Variants in GRIN3A observed in about 807,000 individuals in gnomAD.
GRIN3A encodes glutamate ionotropic receptor NMDA type subunit 3A, also known as glutamate receptor ionotropic, NMDA 3A.
Under a neutral mutation model 92.4 loss-of-function variants are expected in GRIN3A, and 47 were observed. The ratio of observed to expected loss-of-function variants is 0.51; its 90% confidence interval spans 0.40 to 0.65. The LOEUF is 0.65. GRIN3A is among the 30% of genes least tolerant of loss of function. The pLI, the probability that GRIN3A is intolerant of heterozygous loss-of-function variation, is 0.00. For missense variants in GRIN3A, 1,324 were observed against 1,393.1 expected (o/e 0.95, Z 0.79); for synonymous variants, 527 against 540.6 (o/e 0.97, Z 0.35).
chr9:101,732,019 T>C (rs1314859046), intron 1 of GRIN3A, among the ~76,000 whole-genome samples: 3 of 152,230 alleles, frequency 2.0e-5, no homozygotes. Context: ...TCTATTCTTG[T>C]GTATATGTGG....
At chr9:101,581,916 T>G (rs1827892515) in intron 6 of GRIN3A, among the ~76,000 whole-genome samples, 1 of 152,180 alleles carries the variant, frequency 6.6e-6, no homozygotes, top group Non-Finnish European at 1.5e-5. Flanking sequence ...CAACTTGCCT[T>G]ATCTTTATGA....
At chr9:101,684,862 T>C (rs1829511376) in intron 2 of GRIN3A, among the ~76,000 whole-genome samples, 1 of 152,238 alleles carries the variant, frequency 6.6e-6, no homozygotes, top group African/African-American at 2.4e-5. Context: ...TGACTGTCCT[T>C]CCAAAACAAT....
intron 7 of GRIN3A, 150 bp downstream of exon 7, chr9:101,579,046 G>A (rs528725342): frequency 3.9e-6 from 3 of 770,442 alleles, no homozygotes; most frequent in African/African-American, 3.4e-5. Flanking sequence ...ATGGGATAGA[G>A]AGAATTCCTT....
At chr9:101,595,232 G>T (rs1588241122) in intron 6 of GRIN3A, among the ~76,000 whole-genome samples, 1 of 152,142 alleles carries the variant, frequency 6.6e-6, no homozygotes, top group East Asian at 1.9e-4. Context: ...AAGCTGGGCT[G>T]CCCCTTCTCT....
intron 6 of GRIN3A, among the ~76,000 whole-genome samples, chr9:101,603,621 A>G (rs1402808005): frequency 6.6e-6 from 1 of 152,186 alleles, no homozygotes; most frequent in Non-Finnish European, 1.5e-5. Context: ...TAGGGAAGCT[A>G]CAAGCCCGAG....
chr9:101,581,854 A>G (rs953321058), intron 6 of GRIN3A, among the ~76,000 whole-genome samples: 1 of 152,214 alleles, frequency 6.6e-6, no homozygotes, highest in African/African-American at 2.4e-5. Flanking sequence ...ATTTATAATT[A>G]TTTAGCATTG....
chr9:101,696,472 GA>G (rs1176500937), intron 1 of GRIN3A, among the ~76,000 whole-genome samples: 9 of 152,244 alleles, frequency 5.9e-5, no homozygotes, highest in African/African-American at 1.9e-4. Context: ...TGAATTTTAA[GA>G]ACTTTTGGAA....
At chr9:101,680,745 C>T (rs528199196) in intron 2 of GRIN3A, among the ~76,000 whole-genome samples, 9 of 152,302 alleles carry the variant, frequency 5.9e-5, no homozygotes, top group African/African-American at 1.9e-4. Context: ...ACCTTCTATT[C>T]CTTCTGTCTC....
chr9:101,709,798 T>G (rs1444338639), intron 1 of GRIN3A, among the ~76,000 whole-genome samples: 1 of 152,178 alleles, frequency 6.6e-6, no homozygotes, highest in African/African-American at 2.4e-5. Context: ...TTTTAAAAAT[T>G]ATTATACAAG....
chr9:101,573,545 C>A (rs376815555), intron 8 of GRIN3A, 32 bp from the exon 9 acceptor site: 1 of 1,538,254 alleles, frequency 6.5e-7, no homozygotes, highest in Non-Finnish European at 9.0e-7. Context: ...GATTTACTTT[C>A]CATTCTGCAG....
At position 101,670,602 on chromosome 9, in the gene GRIN3A, T is replaced by G; in HGVS notation, c.1810A>C (p.Lys604Gln). The stretch of plus-strand genomic sequence containing the variant: ...TGCCCATTTTTCCATGCTCCATACT[T>G]TCCATCCCCTACAATATAGAGGTCG... ...DFDLYIVGDG[K>Q]YGAWKNGHWT... Residue 604 changes from lysine (K) to glutamine (Q), a missense_variant, in exon 3 of 9, where the codon AAG (lysine) becomes CAG (glutamine). Physicochemically the swap from Lys to Gln is moderately conservative, Grantham distance 53 (BLOSUM62 1). Coordinates refer to ENST00000361820, the MANE Select transcript of GRIN3A (RefSeq NM_133445.3). 1 of 1,614,068 alleles carries G rather than the reference T, an allele frequency of 6.2e-7. No individual in the cohort carries two copies. Among genetic ancestry groups the G allele is most frequent in the South Asian group, 1.1e-5 (1 of 91,082 alleles).
chr9:101,675,884 T>C (rs1235606978), intron 2 of GRIN3A, among the ~76,000 whole-genome samples: 1 of 152,020 alleles, frequency 6.6e-6, no homozygotes, highest in Non-Finnish European at 1.5e-5. Context: ...ACATTAGTCA[T>C]GTGCTATTTT....
chr9:101,581,641 T>A (rs1037698522), intron 6 of GRIN3A, among the ~76,000 whole-genome samples: 3 of 152,198 alleles, frequency 2.0e-5, no homozygotes, highest in African/African-American at 7.2e-5. Flanking sequence ...TGCTTTGATC[T>A]TGAACTTCCA....
At chr9:101,629,795 AG>A (rs2118881150) in intron 3 of GRIN3A, among the ~76,000 whole-genome samples, 1 of 152,322 alleles carries the variant, frequency 6.6e-6, no homozygotes, top group Non-Finnish European at 1.5e-5. Flanking sequence ...ACTTCCTCTT[AG>A]GGATGAGTAA....
intron 6 of GRIN3A, among the ~76,000 whole-genome samples, chr9:101,599,887 A>G (rs1488020788): frequency 6.6e-6 from 1 of 152,194 alleles, no homozygotes; most frequent in African/African-American, 2.4e-5. Context: ...GCCGGTCACC[A>G]TATTTAATAT....
At chr9:101,595,096 A>G (rs1378617837) in intron 6 of GRIN3A, 1 of 633,670 alleles carries the variant, frequency 1.6e-6, no homozygotes, top group African/African-American at 1.9e-5. Context: ...CAGGTCAGAG[A>G]GGGAGCGGAG....
chr9:101,735,049 C>T (rs1426793058), intron 1 of GRIN3A, among the ~76,000 whole-genome samples: 1 of 151,896 alleles, frequency 6.6e-6, no homozygotes, highest in African/African-American at 2.4e-5. Context: ...TTATTGTTTT[C>T]ACTGAAAGCA....
At chr9:101,634,055 C>T (rs1038485496) in intron 3 of GRIN3A, among the ~76,000 whole-genome samples, 3 of 151,964 alleles carry the variant, frequency 2.0e-5, no homozygotes, top group African/African-American at 7.3e-5. Flanking sequence ...TCCTCCTGGC[C>T]GGGCATGGTG....
Position 101,712,755 on chromosome 9 carries a change from TA to T in GRIN3A, c.699+24525del, listed in dbSNP as rs1829895164. The stretch of plus-strand genomic sequence containing the variant: ...AAACTACCAGCTAGTGGAAACAGAA[TA>T]AAAAATATGAGATCGTTATTCCATG... On this transcript the variant is annotated intron_variant, in intron 1 of 8. Transcript: ENST00000361820. 2.0e-5 allele frequency among the ~76,000 whole-genome samples: 3 copies of T among 152,242 alleles called. No homozygotes were observed. The South Asian group carries it at 6.2e-4, about 32-fold the overall frequency.
Sources: allele counts gnomAD v4.1 joint callset (sites outside exome capture counted in the v4.1 genomes callset), GRCh38; gene constraint gnomAD v4.1.1; transcripts MANE v1.5; gene names NCBI Gene and HGNC (gene_info 2026-07-23, HGNC 2026-07-21).